The following CTNNA3 variants were observed in gnomAD, a reference collection of about 807,000 sequenced individuals.
CTNNA3 encodes catenin alpha-3.
In CTNNA3, 76 loss-of-function variants were observed where a neutral mutation model predicts 95.7. The observed-to-expected ratio is 0.79, with a 90% CI of 0.66 to 0.96. The LOEUF (loss-of-function observed/expected upper bound fraction) is 0.96. CTNNA3 is among the 40% of genes least tolerant of loss of function. The pLI, the probability that CTNNA3 is intolerant of heterozygous loss-of-function variation, is 0.00. For missense variants in CTNNA3, 1,191 were observed against 1,089.8 expected (o/e 1.09, Z -1.31); for synonymous variants, 431 against 374.4 (o/e 1.15, Z -1.74).
intron 11 of CTNNA3, among the ~76,000 whole-genome samples, chr10:66,418,555 G>GAACACA (rs2093164927): frequency 1.6e-5 from 1 of 64,350 alleles, no homozygotes; most frequent in South Asian, 8.4e-4. Context: ...AAGCACACAG[G>GAACACA]GACACACACA....
chr10:66,643,284 G>A (rs1344316293), intron 9 of CTNNA3, among the ~76,000 whole-genome samples: 1 of 152,074 alleles, frequency 6.6e-6, no homozygotes, highest in East Asian at 1.9e-4. Flanking sequence ...ATACTGATCT[G>A]AATTCAATGT....
chr10:66,022,840 A>G (rs7073623), intron 15 of CTNNA3, among the ~76,000 whole-genome samples: 33,753 of 152,060 alleles, frequency 0.22, 4,050 homozygotes, highest in East Asian at 0.51. Context: ...TCCTTAGCCT[A>G]TAATCGTTAT....
At chr10:67,674,173 G>T (rs1039537876) in intron 1 of CTNNA3, among the ~76,000 whole-genome samples, 2 of 152,018 alleles carry the variant, frequency 1.3e-5, no homozygotes. Context: ...CGTTAAAGAG[G>T]TGATTAGGTT....
At chr10:66,134,902 T>C (rs2083278323) in intron 13 of CTNNA3, among the ~76,000 whole-genome samples, 1 of 152,092 alleles carries the variant, frequency 6.6e-6, no homozygotes, top group South Asian at 2.1e-4. Flanking sequence ...CTCTGTACAC[T>C]CTTGGTTGGA....
intron 9 of CTNNA3, among the ~76,000 whole-genome samples, chr10:66,700,326 G>A (rs1440662072): frequency 6.6e-6 from 1 of 151,980 alleles, no homozygotes; most frequent in Non-Finnish European, 1.5e-5. Flanking sequence ...TGTAGATAAG[G>A]GTCCAGTTTC....
intron 13 of CTNNA3, among the ~76,000 whole-genome samples, chr10:66,125,184 C>T (rs890825206): frequency 6.6e-6 from 1 of 151,884 alleles, no homozygotes; most frequent in African/African-American, 2.4e-5. Context: ...CAGAGAAGCA[C>T]TAAATGAAGG....
chr10:66,904,768 A>G (rs189875041), intron 7 of CTNNA3, among the ~76,000 whole-genome samples: 180 of 152,358 alleles, frequency 1.2e-3, no homozygotes, highest in African/African-American at 4.2e-3. Context: ...ACACTTGAAA[A>G]GATGCTCATC....
chr10:67,276,960 C>T (rs767893905), intron 5 of CTNNA3, among the ~76,000 whole-genome samples: 1 of 151,920 alleles, frequency 6.6e-6, no homozygotes, highest in African/African-American at 2.4e-5. Flanking sequence ...GAAGACATCA[C>T]CAAAATGTTA....
At chr10:66,018,180 G>A (rs1216062018) in intron 15 of CTNNA3, among the ~76,000 whole-genome samples, 1 of 47,382 alleles carries the variant, frequency 2.1e-5, no homozygotes, top group Non-Finnish European at 4.1e-5. Flanking sequence ...TGAGGATACA[G>A]CTCAAATACA....
At chr10:66,060,913 C>A (rs1167574354) in intron 15 of CTNNA3, among the ~76,000 whole-genome samples, 1 of 152,022 alleles carries the variant, frequency 6.6e-6, no homozygotes, top group Non-Finnish European at 1.5e-5. Context: ...GCTCCTAGTT[C>A]CTTACCTTCT....
chr10:66,232,753 C>T (rs989172337), intron 13 of CTNNA3, among the ~76,000 whole-genome samples: 3 of 152,020 alleles, frequency 2.0e-5, no homozygotes, highest in African/African-American at 7.2e-5. Context: ...CAAAGTTGAC[C>T]TTGAAGTAAA....
intron 5 of CTNNA3, among the ~76,000 whole-genome samples, chr10:67,377,845 C>T (rs997450952): frequency 2.6e-5 from 4 of 152,050 alleles, no homozygotes; most frequent in Non-Finnish European, 5.9e-5. Context: ...AGTCATCCTA[C>T]AGTGCTAGAG....
At chr10:66,399,653 C>G (rs572018576) in intron 11 of CTNNA3, among the ~76,000 whole-genome samples, 23 of 152,044 alleles carry the variant, frequency 1.5e-4, no homozygotes, top group African/African-American at 4.8e-4. Flanking sequence ...TCCTACTATA[C>G]AGATCTATGC....
At chr10:66,972,159 T>C (rs1362752530) in intron 7 of CTNNA3, among the ~76,000 whole-genome samples, 1 of 152,140 alleles carries the variant, frequency 6.6e-6, no homozygotes, top group African/African-American at 2.4e-5. Flanking sequence ...TAACAACATA[T>C]AGTCAATTTA....
chr10:67,412,400 A>C (rs547839184), intron 5 of CTNNA3, among the ~76,000 whole-genome samples: 1 of 152,276 alleles, frequency 6.6e-6, no homozygotes, highest in African/African-American at 2.4e-5. Flanking sequence ...CCTAAGAAAT[A>C]AGGAGAGAGA....
chr10:65,998,087 C>G (rs774272137), intron 15 of CTNNA3, among the ~76,000 whole-genome samples: 12 of 152,158 alleles, frequency 7.9e-5, no homozygotes, highest in Non-Finnish European at 1.6e-4. Flanking sequence ...ATCTTGGTTC[C>G]TAATGCCACA....
At chr10:66,198,865 T>A (rs990950868) in intron 13 of CTNNA3, among the ~76,000 whole-genome samples, 3 of 152,194 alleles carry the variant, frequency 2.0e-5, no homozygotes, top group Admixed American at 2.0e-4. Context: ...TGAGAACACA[T>A]AATATTGCTG....
At chr10:66,357,373 A>C (rs759631606) in intron 12 of CTNNA3, among the ~76,000 whole-genome samples, 4 of 152,080 alleles carry the variant, frequency 2.6e-5, no homozygotes, top group African/African-American at 9.7e-5. Context: ...GTCACCCTTT[A>C]AAGTGTACAA....
intron 11 of CTNNA3, among the ~76,000 whole-genome samples, chr10:66,410,806 C>A (rs1226017257): frequency 6.6e-6 from 1 of 152,134 alleles, no homozygotes; most frequent in Non-Finnish European, 1.5e-5. Flanking sequence ...GTTTGGAATG[C>A]GTGCTGTGTT....
Sources: gnomAD v4.1 joint callset for allele counts (sites outside exome capture counted in the v4.1 genomes callset) on GRCh38, gnomAD v4.1.1 for gene constraint, MANE v1.5 for transcripts, NCBI Gene and HGNC (gene_info 2026-07-23, HGNC 2026-07-21) for gene names.